Variants in ENOX1 observed in about 807,000 individuals in gnomAD.
The protein encoded by ENOX1 is ecto-NOX disulfide-thiol exchanger 1.
In ENOX1, 42 loss-of-function variants were observed where a neutral mutation model predicts 82.5. The observed-to-expected ratio is 0.51, with a 90% CI of 0.40 to 0.66. ENOX1 has a LOEUF of 0.66. Among genes scored for constraint, ENOX1 ranks in the 30% least tolerant of loss-of-function variants. The pLI is 0.00. For missense variants in ENOX1, 608 were observed against 811.6 expected (o/e 0.75, Z 3.05); for synonymous variants, 271 against 282.2 (o/e 0.96, Z 0.40).
At chr13:43,712,518 T>C (rs943881634) in intron 1 of ENOX1, among the ~76,000 whole-genome samples, 2 of 151,016 alleles carry the variant, frequency 1.3e-5, no homozygotes, top group African/African-American at 4.8e-5. Context: ...AGTATGGCCA[T>C]TTTCATGATA....
chr13:43,518,459 C>T (rs2077640080), intron 2 of ENOX1, among the ~76,000 whole-genome samples: 1 of 151,954 alleles, frequency 6.6e-6, no homozygotes, highest in South Asian at 2.1e-4. Flanking sequence ...CAGTTTGCAT[C>T]AAGAGCTCAG....
At chr13:43,637,767 A>AT (rs376093804) in intron 2 of ENOX1, among the ~76,000 whole-genome samples, 12 of 152,088 alleles carry the variant, frequency 7.9e-5, no homozygotes, top group African/African-American at 2.9e-4. Flanking sequence ...CTGTCCCAAA[A>AT]TTTTACAGTA....
intron 1 of ENOX1, among the ~76,000 whole-genome samples, chr13:43,757,283 C>T (rs1307050311): frequency 6.6e-6 from 1 of 152,182 alleles, no homozygotes; most frequent in South Asian, 2.1e-4. Flanking sequence ...ATTTCCCCAT[C>T]CCTTGAACCT....
chr13:43,622,564 TG>T (rs986531832), intron 2 of ENOX1, among the ~76,000 whole-genome samples: 1 of 152,120 alleles, frequency 6.6e-6, no homozygotes, highest in Non-Finnish European at 1.5e-5. Flanking sequence ...AGGCTGGTAA[TG>T]GGGGTTGTCT....
At chr13:43,372,391 A>C (rs2051300837) in intron 5 of ENOX1, among the ~76,000 whole-genome samples, 1 of 152,212 alleles carries the variant, frequency 6.6e-6, no homozygotes. Flanking sequence ...GGCAGACCTC[A>C]TGCTTCCCTT....
At position 43,514,895 on chromosome 13, in the gene ENOX1, G is replaced by GC. The variant is rs548774452; in HGVS notation, c.-218-30744dup. ...TGCCAGAGGTCCAGCTCCAACTGTA[G>GC]CCCCCCCTTCCTAAAATAACCTTGT... On this transcript the variant is annotated intron_variant, in intron 2 of 16. Transcript: ENST00000690772. 2.3e-3 allele frequency among the ~76,000 whole-genome samples: 352 copies of GC among 152,024 alleles called. 1 individual carries two copies. The highest frequency in any genetic ancestry group is 0.02 in the Middle Eastern group (6 of 294).
At chr13:43,731,048 A>G (rs1374072510) in intron 1 of ENOX1, among the ~76,000 whole-genome samples, 1 of 152,168 alleles carries the variant, frequency 6.6e-6, no homozygotes, top group Non-Finnish European at 1.5e-5. Flanking sequence ...CCCAGTTCCT[A>G]TTACATAATG....
Position 43,616,652 on chromosome 13 carries a change from T to C in ENOX1, c.-219+50827A>G, listed in dbSNP as rs114461809. 9.9e-3 allele frequency among the ~76,000 whole-genome samples: 1,504 copies of C among 152,286 alleles called. 29 individuals carry two copies. Among genetic ancestry groups the C allele is most frequent in the African/African-American group, 0.034 (1,434 of 41,568 alleles). ...GTGTAAGAAAAACTGTTTGTAATGATATGGTTCATATCTTACTCTTCTTTC... is the reference window on the plus strand; with the variant it reads ...GTGTAAGAAAAACTGTTTGTAATGACATGGTTCATATCTTACTCTTCTTTC... On this transcript the variant is annotated intron_variant, in intron 2 of 16. Transcript: ENST00000690772.
chr13:43,660,478 G>A (rs1351321732), intron 2 of ENOX1, among the ~76,000 whole-genome samples: 1 of 152,036 alleles, frequency 6.6e-6, no homozygotes, highest in African/African-American at 2.4e-5. Flanking sequence ...ACATTCAAGA[G>A]GAACAGGAAA....
intron 14 of ENOX1, among the ~76,000 whole-genome samples, chr13:43,250,663 C>T (rs2153469805): frequency 6.6e-6 from 1 of 152,242 alleles, no homozygotes; most frequent in South Asian, 2.1e-4. Context: ...ATTTATTGAG[C>T]CTCCTCCTCT....
At chr13:43,225,022 A>G (rs140391236) in intron 15 of ENOX1, among the ~76,000 whole-genome samples, 1 of 152,348 alleles carries the variant, frequency 6.6e-6, no homozygotes, top group East Asian at 1.9e-4. Flanking sequence ...GAATCAGCTC[A>G]GGTGCCCATC....
At chr13:43,666,126 T>C (rs1367876613) in intron 2 of ENOX1, among the ~76,000 whole-genome samples, 2 of 152,072 alleles carry the variant, frequency 1.3e-5, no homozygotes, top group Non-Finnish European at 2.9e-5. Context: ...TAAAACAATG[T>C]TGATACAGGA....
At chr13:43,563,712 C>T (rs1593838332) in intron 2 of ENOX1, among the ~76,000 whole-genome samples, 1 of 152,010 alleles carries the variant, frequency 6.6e-6, no homozygotes, top group Non-Finnish European at 1.5e-5. Context: ...TTAGAGGCTA[C>T]TATGAGCCAC....
At chr13:43,680,921 G>C (rs2085752458) in intron 1 of ENOX1, among the ~76,000 whole-genome samples, 1 of 152,092 alleles carries the variant, frequency 6.6e-6, no homozygotes, top group Admixed American at 6.6e-5. Flanking sequence ...ATTCCTCAGA[G>C]AGATATAGAG....
chr13:43,717,966 A>C (rs960817732), intron 1 of ENOX1, among the ~76,000 whole-genome samples: 3 of 152,302 alleles, frequency 2.0e-5, no homozygotes, highest in African/African-American at 7.2e-5. Flanking sequence ...CTGTGGAAAG[A>C]AGCCTGGAGA....
At chr13:43,387,045 T>A (rs1248300378) in intron 5 of ENOX1, among the ~76,000 whole-genome samples, 2 of 152,192 alleles carry the variant, frequency 1.3e-5, no homozygotes, top group African/African-American at 4.8e-5. Context: ...GAAATATTTT[T>A]TCCCCCAGCA....
intron 5 of ENOX1, among the ~76,000 whole-genome samples, chr13:43,366,328 A>G (rs2050845083): frequency 6.6e-6 from 1 of 151,888 alleles, no homozygotes; most frequent in Non-Finnish European, 1.5e-5. Context: ...AGGCTGGAGT[A>G]CAATGGCACA....
chr13:43,583,442 A>G (rs780887510), intron 2 of ENOX1, among the ~76,000 whole-genome samples: 1 of 152,178 alleles, frequency 6.6e-6, no homozygotes, highest in Non-Finnish European at 1.5e-5. Context: ...TCTCTTCCAC[A>G]TTAATCCCAC....
chr13:43,683,002 G>A (rs1236390547), intron 1 of ENOX1, among the ~76,000 whole-genome samples: 1 of 152,158 alleles, frequency 6.6e-6, no homozygotes, highest in Non-Finnish European at 1.5e-5. Context: ...AAAATCATTA[G>A]CTAGTAAAAC....
Sources: allele counts gnomAD v4.1 joint callset (sites outside exome capture counted in the v4.1 genomes callset), GRCh38; gene constraint gnomAD v4.1.1; transcripts MANE v1.5; gene names NCBI Gene and HGNC (gene_info 2026-07-23, HGNC 2026-07-21).